Variants in KCNQ3 observed in about 807,000 individuals in gnomAD.
The protein encoded by KCNQ3 is potassium voltage-gated channel subfamily KQT member 3.
KCNQ3 carries 30 observed loss-of-function variants against 92.5 expected under a neutral mutation model. That is an observed-to-expected ratio of 0.32 (90% CI 0.24 to 0.44). The LOEUF is 0.44. Among genes scored for constraint, KCNQ3 ranks in the 20% least tolerant of loss-of-function variants. The pLI is 1.00. For synonymous variants in KCNQ3, 450 were observed against 468.8 expected, an observed-to-expected ratio of 0.96 and a Z score of 0.52; for missense variants, 913 against 1,140.3, an observed-to-expected ratio of 0.80 and a Z score of 2.87.
chr8:132,220,375 T>C (rs1440382330), intron 1 of KCNQ3, among the ~76,000 whole-genome samples: 1 of 152,206 alleles, frequency 6.6e-6, no homozygotes, highest in African/African-American at 2.4e-5. Flanking sequence ...TCTCCAGACA[T>C]GATAAAATGA....
In KCNQ3 at chr8:132,170,352, A is replaced by G. The variant is rs1490600682; in HGVS notation, c.1217T>C (p.Val406Ala). The G allele has an allele frequency of 6.2e-7, 1 of 1,613,562 alleles. No individual in the cohort carries two copies. Among genetic ancestry groups the G allele is most frequent in the Non-Finnish European group, 8.5e-7 (1 of 1,179,776 alleles). The part of the protein sequence containing the change: ...VATWRFYESV[V>A]SFPFFRKEQL... Reference sequence around the variant, plus strand: ...CACTTGCCTGAAGAAAGGAAAAGAGACGACTGATTCATAAAATCTCCATGT... The same window carrying G: ...CACTTGCCTGAAGAAAGGAAAAGAGGCGACTGATTCATAAAATCTCCATGT... Residue 406 changes from valine (V) to alanine (A), a missense_variant, in exon 8 of 15, where the codon GTC (valine) becomes GCC (alanine). Val to Ala is a moderately conservative substitution (Grantham distance 64, BLOSUM62 0). This residue lies in a region of KCNQ3 where 182 missense variants were observed against 234.5 expected (regional missense o/e 0.78). Coordinates refer to ENST00000388996, the MANE Select transcript of KCNQ3 (RefSeq NM_004519.4).
At position 132,404,584 on chromosome 8, in the gene KCNQ3, T is replaced by C. The variant is rs183163629; in HGVS notation, c.386+75563A>G. Among the ~76,000 whole-genome samples, 29 of 152,320 alleles carry C rather than the reference T, an allele frequency of 1.9e-4. No homozygotes were observed. In the East Asian group the frequency reaches 5.4e-3, roughly 28 times the overall value. On this transcript the variant is annotated intron_variant, in intron 1 of 14. Coordinates refer to ENST00000388996, the MANE Select transcript of KCNQ3 (RefSeq NM_004519.4). ...GAAGACAATTCCAGTCTTCCCTTCCTGAAAGCTTCCCCTAAGGGTTTCAGA... is the reference window on the plus strand; with the variant it reads ...GAAGACAATTCCAGTCTTCCCTTCCCGAAAGCTTCCCCTAAGGGTTTCAGA...
chr8:132,356,233 C>A (rs1190217467), intron 1 of KCNQ3, among the ~76,000 whole-genome samples: 1 of 152,150 alleles, frequency 6.6e-6, no homozygotes, highest in Non-Finnish European at 1.5e-5. Context: ...CACCTTCAGC[C>A]ATCACGGAAG....
At chr8:132,189,838 A>C (rs889219346) in intron 1 of KCNQ3, among the ~76,000 whole-genome samples, 1 of 144,478 alleles carries the variant, frequency 6.9e-6, no homozygotes, top group East Asian at 2.1e-4. Flanking sequence ...AAAAAAAAAA[A>C]GTTATCCAAA....
intron 9 of KCNQ3, among the ~76,000 whole-genome samples, chr8:132,152,737 T>G: frequency 6.6e-6 from 1 of 152,216 alleles, no homozygotes; most frequent in East Asian, 1.9e-4. Flanking sequence ...GTTCCAAGTT[T>G]ATCTTGGGAC....
chr8:132,469,064 C>G (rs1279420258), intron 1 of KCNQ3, among the ~76,000 whole-genome samples: 1 of 152,190 alleles, frequency 6.6e-6, no homozygotes, highest in African/African-American at 2.4e-5. Context: ...TCAGAGGGGG[C>G]CTCAAAACTT....
At chr8:132,246,631 G>A (rs1815189616) in intron 1 of KCNQ3, among the ~76,000 whole-genome samples, 1 of 152,192 alleles carries the variant, frequency 6.6e-6, no homozygotes, top group Non-Finnish European at 1.5e-5. Context: ...TACAGTCTGT[G>A]CATTTACCAT....
chr8:132,129,966 G>A lies in KCNQ3; in HGVS notation c.1915C>T (p.Leu639Phe). 6.2e-7 allele frequency: 1 copy of A among 1,613,872 alleles called. No homozygotes were observed. Among genetic ancestry groups the A allele is most frequent in the Non-Finnish European group, 8.5e-7 (1 of 1,180,038 alleles). The change falls in exon 15 of 15, where the codon CTC becomes TTC. Residue 639 changes from leucine to phenylalanine, a missense_variant. Transcript: ENST00000388996. The surrounding 1 kb of genome is among the most constrained non-coding windows in gnomAD (Gnocchi z 5.9). ...ATGTGTTGCATGTGCATATCCACGA[G>A]GAAGTCCAGCTTCTTCCCCATGTCC... ...VQDMGKKLDF[L>F]VDMHMQHMER...
intron 1 of KCNQ3, among the ~76,000 whole-genome samples, chr8:132,232,757 A>G (rs1477238739): frequency 1.3e-5 from 2 of 152,182 alleles, no homozygotes; most frequent in Non-Finnish European, 2.9e-5. Context: ...TTTCATTAAA[A>G]AACAGCCCCA....
chr8:132,335,630 C>G (rs1393047180), intron 1 of KCNQ3, among the ~76,000 whole-genome samples: 1 of 152,132 alleles, frequency 6.6e-6, no homozygotes, highest in African/African-American at 2.4e-5. Context: ...AGCTTTCATT[C>G]CTTACAACTG....
intron 1 of KCNQ3, among the ~76,000 whole-genome samples, chr8:132,257,574 T>C (rs1483895789): frequency 6.6e-6 from 1 of 151,662 alleles, no homozygotes; most frequent in Non-Finnish European, 1.5e-5. Flanking sequence ...TGAAACCCCA[T>C]CTCTACTAAA....
chr8:132,139,054 G>A (rs1563767730), intron 11 of KCNQ3, among the ~76,000 whole-genome samples: 1 of 152,150 alleles, frequency 6.6e-6, no homozygotes, highest in Admixed American at 6.5e-5. Context: ...GTCTATGGCT[G>A]CTTTTGTGCT....
chr8:132,132,358 C>T (rs1439336204), intron 13 of KCNQ3, 94 bp from the exon 14 acceptor site: 7 of 882,520 alleles, frequency 7.9e-6, no homozygotes, highest in East Asian at 7.6e-5. Flanking sequence ...ACAGAGCCAT[C>T]GTTCTCACCC....
intron 1 of KCNQ3, among the ~76,000 whole-genome samples, chr8:132,331,571 C>A (rs571762548): frequency 6.6e-6 from 1 of 152,302 alleles, no homozygotes; most frequent in East Asian, 1.9e-4. Flanking sequence ...CCTGTCCCCT[C>A]CCCTCTTCTC....
chr8:132,366,417 A>G (rs1819323272), intron 1 of KCNQ3, among the ~76,000 whole-genome samples: 1 of 152,024 alleles, frequency 6.6e-6, no homozygotes, highest in Non-Finnish European at 1.5e-5. Context: ...CTTCTTTCCT[A>G]ATCTTCTTGC....
intron 1 of KCNQ3, among the ~76,000 whole-genome samples, chr8:132,396,033 T>G (rs1438868208): frequency 6.6e-6 from 1 of 152,234 alleles, no homozygotes; most frequent in East Asian, 1.9e-4. Context: ...TTCGGTTTCC[T>G]CATCCACTAG....
chr8:132,395,384 C>T (rs1237921426), intron 1 of KCNQ3, among the ~76,000 whole-genome samples: 1 of 152,178 alleles, frequency 6.6e-6, no homozygotes, highest in Non-Finnish European at 1.5e-5. Context: ...CAGAAATCTC[C>T]AATCACACCA....
chr8:132,164,306 G>A (rs748291571), intron 8 of KCNQ3, among the ~76,000 whole-genome samples: 7 of 150,728 alleles, frequency 4.6e-5, no homozygotes, highest in East Asian at 3.9e-4. Flanking sequence ...TCATTATTAC[G>A]TGGATCACAT....
intron 1 of KCNQ3, among the ~76,000 whole-genome samples, chr8:132,426,476 G>A (rs1192318902): frequency 6.6e-6 from 1 of 152,206 alleles, no homozygotes; most frequent in Non-Finnish European, 1.5e-5. Context: ...GATCCCACAT[G>A]CAATCCTCAT....
Sources: allele counts gnomAD v4.1 joint callset (sites outside exome capture counted in the v4.1 genomes callset), GRCh38; gene constraint gnomAD v4.1.1; regional missense constraint gnomAD v4.1.1; non-coding constraint Gnocchi (gnomAD v3.1); transcripts MANE v1.5; gene names NCBI Gene and HGNC (gene_info 2026-07-23, HGNC 2026-07-21).